Variants in ABCB5 observed in about 807,000 individuals in gnomAD.
ABCB5 encodes the protein ATP-binding cassette sub-family B member 5.
In ABCB5, 155 loss-of-function variants were observed where a neutral mutation model predicts 144.2. The ratio of observed to expected loss-of-function variants is 1.08; its 90% CI spans 0.94 to 1.23. ABCB5 has a LOEUF of 1.23. Ranked by LOEUF, ABCB5 falls within the 50% of genes most tolerant of loss-of-function variation. The pLI, the probability that ABCB5 is intolerant of heterozygous loss-of-function variation, is 0.00. For missense variants in ABCB5, 1,830 were observed against 1,520.8 expected (o/e 1.20, Z -3.38); for synonymous variants, 610 against 528.6 (o/e 1.15, Z -2.11).
intron 25 of ABCB5, among the ~76,000 whole-genome samples, chr7:20,744,719 A>G (rs1009346491): frequency 6.6e-6 from 1 of 152,036 alleles, no homozygotes; most frequent in Non-Finnish European, 1.5e-5. Context: ...ATATGTAACA[A>G]ACCTGTACGT....
chr7:20,680,515 A>G (rs368864334), intron 14 of ABCB5, among the ~76,000 whole-genome samples: 73 of 150,784 alleles, frequency 4.8e-4, no homozygotes, highest in African/African-American at 1.7e-3. Context: ...GCTTGCAGTG[A>G]GCCGAGATTG....
chr7:20,717,461 G>C (rs1190633015), intron 20 of ABCB5, among the ~76,000 whole-genome samples: 1 of 81,964 alleles, frequency 1.2e-5, no homozygotes, highest in Non-Finnish European at 2.5e-5. Context: ...TTTTTCTTTT[G>C]AGACAGACTT....
At chr7:20,618,908 G>C (rs1783749440) in intron 1 of ABCB5, among the ~76,000 whole-genome samples, 1 of 150,246 alleles carries the variant, frequency 6.7e-6, no homozygotes, top group African/African-American at 2.4e-5. Context: ...CCAAGTAGCT[G>C]AGACTACAGG....
chr7:20,626,204 G>A (rs1783905164), intron 2 of ABCB5, among the ~76,000 whole-genome samples: 1 of 152,204 alleles, frequency 6.6e-6, no homozygotes, highest in South Asian at 2.1e-4. Flanking sequence ...GCTTAGTTTT[G>A]CAAAGTAAAG....
chr7:20,624,971 TAAA>T (rs1029096143), intron 2 of ABCB5, among the ~76,000 whole-genome samples: 1 of 152,236 alleles, frequency 6.6e-6, no homozygotes, highest in Non-Finnish European at 1.5e-5. Flanking sequence ...TCAACGCTGA[TAAA>T]GAGACTTTCA....
intron 24 of ABCB5, 66 bp from the exon 25 acceptor site, chr7:20,742,811 G>C: frequency 3.3e-6 from 5 of 1,507,574 alleles, no homozygotes; most frequent in Non-Finnish European, 4.6e-6. Flanking sequence ...AACTTGGCCA[G>C]TATGCTACAG....
chr7:20,707,096 G>T (rs757870417), intron 20 of ABCB5, among the ~76,000 whole-genome samples: 2 of 151,844 alleles, frequency 1.3e-5, no homozygotes, highest in Admixed American at 6.6e-5. Flanking sequence ...ATAATTTGGG[G>T]GTCATATTTC....
intron 14 of ABCB5, among the ~76,000 whole-genome samples, chr7:20,671,723 C>T (rs1332429143): frequency 1.3e-5 from 2 of 152,162 alleles, no homozygotes; most frequent in African/African-American, 4.8e-5. Context: ...GGTATGGATG[C>T]TCATTTGAAT....
intron 14 of ABCB5, 112 bp from the exon 15 acceptor site, chr7:20,681,393 C>T: frequency 8.1e-7 from 1 of 1,241,502 alleles, no homozygotes; most frequent in Middle Eastern, 2.0e-4. Flanking sequence ...TCCCAAAGTG[C>T]TGGAATTACA....
intron 20 of ABCB5, among the ~76,000 whole-genome samples, chr7:20,711,846 TTTCTTTCTTTCTTTCCTTCCTC>T: frequency 2.7e-4 from 2 of 7,336 alleles, no homozygotes; most frequent in African/African-American, 3.5e-3. Context: ...CTTTCTTTCT[TTTCTTTCTTTCTTTCCTTCCTC>T]CCTCCCTCCC....
intron 16 of ABCB5, among the ~76,000 whole-genome samples, chr7:20,689,935 A>G (rs913203973): frequency 1.3e-5 from 2 of 152,152 alleles, no homozygotes; most frequent in African/African-American, 4.8e-5. Context: ...CCCAATGACT[A>G]ACGACAGGGG....
intron 14 of ABCB5, among the ~76,000 whole-genome samples, chr7:20,664,726 C>T (rs1307666501): frequency 7.4e-6 from 1 of 134,734 alleles, no homozygotes; most frequent in South Asian, 2.3e-4. Flanking sequence ...TCTTCTTACC[C>T]ACCATTTACT....
chr7:20,648,292 A>G (rs1462168687), intron 11 of ABCB5, among the ~76,000 whole-genome samples: 1 of 152,180 alleles, frequency 6.6e-6, no homozygotes, highest in Non-Finnish European at 1.5e-5. Context: ...TGACTAAAGC[A>G]TTTTCAGCTC....
Position 20,632,048 on chromosome 7 carries a change from C to A in ABCB5, c.260-11C>A, listed in dbSNP as rs1784051249. 3 of 1,492,792 alleles carry A rather than the reference C, an allele frequency of 2.0e-6. No individual in the cohort carries two copies. The highest frequency in any genetic ancestry group is 2.5e-5 in the East Asian group (1 of 39,844). The allele number at this position is 1,492,792 out of a possible 1,614,324, so 92.5% of individuals were successfully genotyped here. ...TAATTTCCTCTATATTTTAAATAAC[C>A]TTTTTTACAGCAAATTATCAGAACT... On this transcript the variant is annotated splice_polypyrimidine_tract_variant and intron_variant, in intron 4 of 27. Transcript: ENST00000404938.
Position 20,685,836 on chromosome 7 carries a change from G to A in ABCB5, c.2010G>A (p.Glu670=). The A allele has an allele frequency of 1.3e-6, 2 of 1,584,490 alleles. No homozygotes were observed. Among genetic ancestry groups the A allele is most frequent in the Non-Finnish European group, 1.7e-6 (2 of 1,170,318 alleles). Residue 670 remains glutamate (E), a splice_region_variant and synonymous_variant, in exon 16 of 28, where the codon GAG becomes GAA. Transcript: ENST00000404938. ...CTGAGGAATCCACCCAATCTAAAGAGGTAATGGCTCAGCGATCAACCAGTT... is the reference window on the plus strand; with the variant it reads ...CTGAGGAATCCACCCAATCTAAAGAAGTAATGGCTCAGCGATCAACCAGTT... ...DKAEESTQSK[E]ISLPEVSLLK...
chr7:20,745,349 G>A lies in ABCB5; in HGVS notation c.3340G>A (p.Gly1114Ser). ...NCSIAENIAY[G>S]DNSRVVPLDE... ...CAGCATTGCTGAGAACATCGCCTAT[G>A]GTGACAACAGCCGTGTGGTGCCATT... The change falls in exon 26 of 28, where the codon GGT becomes AGT. Residue 1114 changes from glycine to serine, a missense_variant. Coordinates refer to ENST00000404938, the MANE Select transcript of ABCB5 (RefSeq NM_001163941.2). The A allele has an allele frequency of 6.2e-7, 1 of 1,614,128 alleles. No homozygotes were observed.
At chr7:20,697,911 C>G (rs1786480239) in intron 16 of ABCB5, among the ~76,000 whole-genome samples, 1 of 152,114 alleles carries the variant, frequency 6.6e-6, no homozygotes, top group Non-Finnish European at 1.5e-5. Context: ...ATAAGAACTC[C>G]AAAACAAGCC....
chr7:20,685,721 T>G lies in ABCB5; in HGVS notation c.1895T>G (p.Met632Arg), dbSNP rs773418645. Residue 632 changes from methionine to arginine, a missense_variant, in exon 16 of 28, where the codon ATG becomes AGG. Physicochemically the swap from Met to Arg is moderately conservative, Grantham distance 91. Coordinates refer to ENST00000404938, the MANE Select transcript of ABCB5 (RefSeq NM_001163941.2). ...SQDIKKADEQMESMTYSTERK... is the reference protein window; with the variant it reads ...SQDIKKADEQRESMTYSTERK... The stretch of plus-strand genomic sequence containing the variant: ...GATATTAAAAAAGCTGATGAACAGA[T>G]GGAGTCAATGACATATTCTACTGAA... 1.2e-6 allele frequency: 2 copies of G among 1,611,424 alleles called. No individual in the cohort carries two copies. The highest frequency in any genetic ancestry group is 1.7e-6 in the Non-Finnish European group (2 of 1,178,404).
intron 14 of ABCB5, among the ~76,000 whole-genome samples, chr7:20,678,633 C>CA (rs1335016207): frequency 4.2e-5 from 6 of 141,524 alleles, no homozygotes; most frequent in African/African-American, 1.7e-4. Flanking sequence ...AAAACAAAAA[C>CA]AAAAACAAAA....
Sources: gnomAD v4.1 joint callset for allele counts (sites outside exome capture counted in the v4.1 genomes callset) on GRCh38, gnomAD v4.1.1 for gene constraint, MANE v1.5 for transcripts, NCBI Gene and HGNC (gene_info 2026-07-23, HGNC 2026-07-21) for gene names.